The following WWOX variants were observed in gnomAD, a reference collection of about 807,000 sequenced individuals.
The protein encoded by WWOX is WW domain containing oxidoreductase.
Under a neutral mutation model 46.2 loss-of-function variants are expected in WWOX, and 69 were observed. That is an observed-to-expected ratio of 1.49 (90% CI 1.23 to 1.82). The LOEUF (loss-of-function observed/expected upper bound fraction) is 1.82, where lower values mean the gene tolerates loss of function less well. Ranked by LOEUF, WWOX falls within the 40% of genes most tolerant of loss-of-function variation. WWOX has a pLI of 0.00. For synonymous variants in WWOX, 359 were observed against 202.6 expected (o/e 1.77, Z -6.56); for missense variants, 919 against 542.6 (o/e 1.69, Z -6.89).
rs138461348 is a variant in WWOX at position 79,001,115 on chromosome 16, A to G, written c.1057-210493A>G. On this transcript the variant is annotated intron_variant, in intron 8 of 8. Coordinates refer to ENST00000566780, the MANE Select transcript of WWOX (RefSeq NM_016373.4). ...AAGGTACTATGAACTTTAATTAAAC[A>G]CATATCCCACATCCAGGTGCCAGTC... 5.9e-5 allele frequency among the ~76,000 whole-genome samples: 9 copies of G among 152,328 alleles called. No homozygotes were observed. In the East Asian group the frequency reaches 1.2e-3, roughly 20 times the overall value.
chr16:78,551,597 T>C (rs2044173642), intron 8 of WWOX: 1 of 152,256 alleles, frequency 6.6e-6, no homozygotes, highest in Admixed American at 6.5e-5. Flanking sequence ...GCGCCTGTGC[T>C]TTGAATGGTG....
intron 8 of WWOX, among the ~76,000 whole-genome samples, chr16:78,992,469 AAAAAC>A (rs1315188108): frequency 3.9e-5 from 6 of 152,162 alleles, no homozygotes; most frequent in Non-Finnish European, 7.3e-5. Context: ...TCTATCTCAA[AAAAAC>A]AAAACAAAAC....
chr16:78,326,582 C>A (rs1353743575), intron 5 of WWOX, among the ~76,000 whole-genome samples: 4 of 95,036 alleles, frequency 4.2e-5, no homozygotes, highest in Admixed American at 1.1e-4. Context: ...CCCCCGCCCC[C>A]CCCCCCCGCA....
chr16:79,044,469 A>C (rs1431614059), intron 8 of WWOX, among the ~76,000 whole-genome samples: 2 of 152,106 alleles, frequency 1.3e-5, no homozygotes, highest in Non-Finnish European at 2.9e-5. Context: ...GTCATTTAAA[A>C]ATGTGTGGCA....
chr16:78,487,515 C>T (rs1225892462), intron 8 of WWOX, among the ~76,000 whole-genome samples: 1 of 152,106 alleles, frequency 6.6e-6, no homozygotes, highest in Non-Finnish European at 1.5e-5. Flanking sequence ...AGGCATGGCT[C>T]CCCTGTTATG....
At chr16:79,101,942 C>G (rs1464915077) in intron 8 of WWOX, among the ~76,000 whole-genome samples, 1 of 149,762 alleles carries the variant, frequency 6.7e-6, no homozygotes, top group Non-Finnish European at 1.5e-5. Context: ...CCAAGCTAAA[C>G]AATTCTGGAA....
chr16:78,132,261 C>T (rs1432406302), intron 4 of WWOX, among the ~76,000 whole-genome samples: 1 of 151,790 alleles, frequency 6.6e-6, no homozygotes, highest in African/African-American at 2.4e-5. Flanking sequence ...CTCCTGACCT[C>T]GTGATCTGCC....
chr16:78,578,946 T>C lies in WWOX; in HGVS notation c.1056+146194T>C, dbSNP rs183352476. ...CTTTGTTGATTGTTGATATTACTTA[T>C]GAACTTTCTTGCTTTTCAGAAACCA... On this transcript the variant is annotated intron_variant, in intron 8 of 8. Transcript: ENST00000566780. Among the ~76,000 whole-genome samples, 4 of 152,376 alleles carry C rather than the reference T, an allele frequency of 2.6e-5. No individual in the cohort carries two copies. In the East Asian group the frequency reaches 5.8e-4, roughly 22 times the overall value.
chr16:78,598,799 C>G (rs1876505491), intron 8 of WWOX, among the ~76,000 whole-genome samples: 1 of 152,114 alleles, frequency 6.6e-6, no homozygotes, highest in South Asian at 2.1e-4. Flanking sequence ...GGCTTTTGTG[C>G]TTGGTGAGAC....
At chr16:79,141,958 G>A (rs1423990162) in intron 8 of WWOX, among the ~76,000 whole-genome samples, 1 of 152,210 alleles carries the variant, frequency 6.6e-6, no homozygotes. Context: ...TGATAAGCCC[G>A]TCTAGCAGGG....
intron 8 of WWOX, among the ~76,000 whole-genome samples, chr16:79,077,161 C>T (rs192141324): frequency 6.6e-6 from 1 of 152,322 alleles, no homozygotes; most frequent in East Asian, 1.9e-4. Context: ...TTAATCGGAG[C>T]TCTAAAGTAC....
At chr16:78,479,797 A>C (rs1345872443) in intron 8 of WWOX, among the ~76,000 whole-genome samples, 1 of 152,202 alleles carries the variant, frequency 6.6e-6, no homozygotes, top group Non-Finnish European at 1.5e-5. Flanking sequence ...CCAAGATAAG[A>C]TTCAAGACCC....
chr16:78,219,783 C>G (rs1028469407), intron 5 of WWOX, among the ~76,000 whole-genome samples: 2 of 152,094 alleles, frequency 1.3e-5, no homozygotes, highest in African/African-American at 4.8e-5. Flanking sequence ...CTCCAAATCT[C>G]TTCTCTTTTC....
At chr16:79,208,183 C>T (rs1567620172) in intron 8 of WWOX, among the ~76,000 whole-genome samples, 1 of 152,190 alleles carries the variant, frequency 6.6e-6, no homozygotes, top group Admixed American at 6.5e-5. Flanking sequence ...TCTCCTCTGG[C>T]AGCTCACAAA....
intron 3 of WWOX, among the ~76,000 whole-genome samples, chr16:78,111,401 A>T (rs1315773915): frequency 3.3e-5 from 5 of 152,212 alleles, no homozygotes; most frequent in African/African-American, 9.7e-5. Flanking sequence ...ACCTAGGAAT[A>T]ACTGGCATGT....
At chr16:78,501,757 G>A (rs566304339) in intron 8 of WWOX, among the ~76,000 whole-genome samples, 13 of 152,112 alleles carry the variant, frequency 8.5e-5, no homozygotes, top group African/African-American at 2.9e-4. Flanking sequence ...GGCTGGTCTC[G>A]AACTCCTGAC....
chr16:78,748,331 G>C (rs1204205703), intron 8 of WWOX, among the ~76,000 whole-genome samples: 1 of 152,146 alleles, frequency 6.6e-6, no homozygotes, highest in Non-Finnish European at 1.5e-5. Context: ...AATAATTACT[G>C]TTACCCAGTG....
chr16:78,135,489 A>C (rs1333778480), intron 4 of WWOX, among the ~76,000 whole-genome samples: 2 of 152,196 alleles, frequency 1.3e-5, no homozygotes, highest in African/African-American at 4.8e-5. Context: ...AATTTTGTTA[A>C]TGTTGTTTAG....
At chr16:78,311,702 AGTCTG>A (rs2080247832) in intron 5 of WWOX, among the ~76,000 whole-genome samples, 1 of 152,306 alleles carries the variant, frequency 6.6e-6, no homozygotes, top group African/African-American at 2.4e-5. Context: ...GGCAGACTTT[AGTCTG>A]GTTTATAATG....
Sources: allele counts gnomAD v4.1 joint callset (sites outside exome capture counted in the v4.1 genomes callset), GRCh38; gene constraint gnomAD v4.1.1; transcripts MANE v1.5; gene names NCBI Gene and HGNC (gene_info 2026-07-23, HGNC 2026-07-21).